Variants in PHEX observed in about 807,000 individuals in gnomAD.
PHEX encodes phosphate regulating endopeptidase X-linked.
PHEX carries 16 observed loss-of-function variants against 68.0 expected under a neutral mutation model. The ratio of observed to expected loss-of-function variants is 0.24; its 90% CI spans 0.16 to 0.36. The LOEUF is 0.36. Among genes scored for constraint, PHEX ranks in the 10% least tolerant of loss-of-function variants. The probability of loss-of-function intolerance (pLI) is 1.00; values close to 1 mark genes in which losing one functional copy is unlikely to be tolerated. For missense variants in PHEX, 480 were observed against 575.5 expected, an observed-to-expected ratio of 0.83 and a Z score of 1.70; for synonymous variants, 208 against 205.1, an observed-to-expected ratio of 1.01 and a Z score of -0.12.
At chrX:22,064,974 TG>T (rs1328607800) in intron 3 of PHEX, among the ~76,000 whole-genome samples, 2 of 112,579 alleles carry the variant, frequency 1.8e-5, no homozygotes, top group East Asian at 5.6e-4. Flanking sequence ...ATAGCATCTA[TG>T]TGAATACTTA....
chrX:22,116,176 A>G (rs1157904791), intron 11 of PHEX, among the ~76,000 whole-genome samples: 1 of 111,690 alleles, frequency 9.0e-6, no homozygotes, highest in Non-Finnish European at 1.9e-5. Context: ...GTGCTATTTC[A>G]TTATGGTTTG....
chrX:22,040,331 A>G (rs768242908), intron 2 of PHEX, among the ~76,000 whole-genome samples: 1 of 111,652 alleles, frequency 9.0e-6, no homozygotes, highest in Non-Finnish European at 1.9e-5. Context: ...AAAGACAATA[A>G]GGCAATTAAT....
rs1244150388 is a variant in PHEX, at chrX:22,113,008, TGTGTG to T, written c.1173+1449_1174-1445del. The stretch of plus-strand genomic sequence containing the variant: ...TAAGATACAAAACAAGTAGGTTTTG[TGTGTG>T]TGTGTGTGTGTGTGTGTGTGTGTGT... On this transcript the variant is annotated intron_variant, in intron 10 of 21. Transcript: ENST00000379374. Among the ~76,000 whole-genome samples, 14 of 32,711 alleles carry T rather than the reference TGTGTG, an allele frequency of 4.3e-4. No individual in the cohort carries two copies. The African/African-American group carries it at 7.0e-3, about 16-fold the overall frequency. The allele number at this position is 32,711 out of a possible 115,157, so 28.4% of individuals were successfully genotyped here. A position where few individuals can be genotyped will look rare whatever the true frequency, so the allele number is the denominator to read the frequency against.
chrX:22,180,235 C>A (rs1045045291), intron 14 of PHEX, among the ~76,000 whole-genome samples: 8 of 110,908 alleles, frequency 7.2e-5, no homozygotes, highest in Admixed American at 4.8e-4. Flanking sequence ...TACCCTCTGC[C>A]AGTTGCTCTG....
intron 20 of PHEX, among the ~76,000 whole-genome samples, chrX:22,237,685 T>C (rs1470602093): frequency 8.9e-6 from 1 of 112,367 alleles, no homozygotes; most frequent in Non-Finnish European, 1.9e-5. Context: ...AATCTGACAC[T>C]GTCCTTCCTC....
chrX:22,077,560 T>C lies in PHEX; in HGVS notation c.521T>C (p.Ile174Thr). 2.5e-6 allele frequency: 3 copies of C among 1,211,636 alleles called. No homozygotes were observed. The highest frequency in any genetic ancestry group is 3.4e-6 in the Non-Finnish European group (3 of 895,197). ...PFRWPVLESNIGPEGVWSERK... is the reference protein window; with the variant it reads ...PFRWPVLESNTGPEGVWSERK... Reference sequence around the variant, plus strand: ...CGCTGGCCCGTGCTTGAATCTAATATTGGCCCTGAAGGGGTTTGGTCAGAG... The same window carrying C: ...CGCTGGCCCGTGCTTGAATCTAATACTGGCCCTGAAGGGGTTTGGTCAGAG... The change falls in exon 5 of 22, where the codon ATT becomes ACT. Residue 174 changes from isoleucine to threonine, a missense_variant. Physicochemically the swap from Ile to Thr is moderately conservative, Grantham distance 89. Transcript: ENST00000379374.
intron 11 of PHEX, among the ~76,000 whole-genome samples, chrX:22,122,523 TG>T (rs1931530088): frequency 8.9e-6 from 1 of 112,231 alleles, no homozygotes; most frequent in South Asian, 3.7e-4. Context: ...CTTACCAACA[TG>T]GGCAAATCAG....
chrX:22,121,227 A>T (rs1305905716), intron 11 of PHEX, among the ~76,000 whole-genome samples: 4 of 112,203 alleles, frequency 3.6e-5, no homozygotes, highest in African/African-American at 1.3e-4. Flanking sequence ...ATTAGGCCCA[A>T]CTCTAAATAC....
At chrX:22,231,953 A>G (rs182204500) in intron 20 of PHEX, among the ~76,000 whole-genome samples, 153 of 111,637 alleles carry the variant, frequency 1.4e-3, no homozygotes, top group Non-Finnish European at 2.3e-3. Context: ...TGTCCCAGAG[A>G]TTCTGGTACA....
chrX:22,105,448 G>A, intron 9 of PHEX, among the ~76,000 whole-genome samples: 1 of 112,038 alleles, frequency 8.9e-6, no homozygotes, highest in South Asian at 3.7e-4. Flanking sequence ...GTAAGGCCTA[G>A]GAATTTTCTA....
intron 12 of PHEX, among the ~76,000 whole-genome samples, chrX:22,159,498 C>A (rs1336332745): frequency 9.6e-6 from 1 of 104,346 alleles, no homozygotes; most frequent in Admixed American, 9.8e-5. Flanking sequence ...AGGAAAACAA[C>A]AACAACAACA....
chrX:22,179,168 G>T (rs1933802685), intron 14 of PHEX, among the ~76,000 whole-genome samples: 1 of 110,902 alleles, frequency 9.0e-6, no homozygotes, highest in Non-Finnish European at 1.9e-5. Context: ...CTGTCTGCTG[G>T]TGCTTTTGAT....
chrX:22,105,180 C>T (rs1490809539), intron 9 of PHEX, among the ~76,000 whole-genome samples: 3 of 112,029 alleles, frequency 2.7e-5, no homozygotes, highest in Non-Finnish European at 5.6e-5. Context: ...CTCTCGGGCT[C>T]TGCCCCAGAC....
At chrX:22,227,886 CTTCTTAATGTGTTTGAT>C (rs745382390) in intron 20 of PHEX, among the ~76,000 whole-genome samples, 2 of 111,778 alleles carry the variant, frequency 1.8e-5, no homozygotes, top group East Asian at 5.6e-4. Flanking sequence ...TGTATCTTGA[CTTCTTAATGTGTTTGAT>C]ACTATTTATT....
At chrX:22,128,545 C>A (rs1229389136) in intron 11 of PHEX, among the ~76,000 whole-genome samples, 1 of 110,781 alleles carries the variant, frequency 9.0e-6, no homozygotes, top group Non-Finnish European at 1.9e-5. Context: ...AGAACAGGAG[C>A]AAAATGACCT....
At chrX:22,224,983 A>ATC (rs1935417465) in intron 18 of PHEX, among the ~76,000 whole-genome samples, 1 of 108,466 alleles carries the variant, frequency 9.2e-6, no homozygotes, top group Non-Finnish European at 1.9e-5. Flanking sequence ...ATTATCATAC[A>ATC]GCTCTGTATG....
chrX:22,188,555 G>A (rs1189434806), intron 14 of PHEX, among the ~76,000 whole-genome samples: 2 of 112,546 alleles, frequency 1.8e-5, no homozygotes, highest in Non-Finnish European at 3.7e-5. Context: ...ATGTTTGCAG[G>A]TGGTTTGATG....
intron 2 of PHEX, among the ~76,000 whole-genome samples, chrX:22,040,252 C>T (rs1176970745): frequency 2.7e-5 from 3 of 112,086 alleles, no homozygotes; most frequent in African/African-American, 9.7e-5. Context: ...ACAAATTCAC[C>T]AAATATTTGT....
chrX:22,193,564 C>T (rs987336083), intron 15 of PHEX, among the ~76,000 whole-genome samples: 3 of 111,674 alleles, frequency 2.7e-5, no homozygotes, highest in Non-Finnish European at 5.6e-5. Flanking sequence ...TAAACAACTG[C>T]GATTTTTCAG....
Sources: gnomAD v4.1 joint callset for allele counts (sites outside exome capture counted in the v4.1 genomes callset) on GRCh38, gnomAD v4.1.1 for gene constraint, MANE v1.5 for transcripts, NCBI Gene and HGNC (gene_info 2026-07-23, HGNC 2026-07-21) for gene names.